ZRANB3: variants seen among roughly 807,000 people sequenced by gnomAD.
ZRANB3 encodes the protein zinc finger RANBP2-type containing 3, also known as DNA annealing helicase and endonuclease ZRANB3.
A neutral mutation model predicts 133.8 loss-of-function variants in ZRANB3; 125 were observed. The observed-to-expected ratio is 0.93, with a 90% CI of 0.81 to 1.08. The LOEUF (loss-of-function observed/expected upper bound fraction) is 1.08. Among genes scored for constraint, ZRANB3 ranks in the 50% least tolerant of loss-of-function variants. The pLI, the probability that ZRANB3 is intolerant of heterozygous loss-of-function variation, is 0.00. For missense variants in ZRANB3, 1,229 were observed against 1,275.5 expected (o/e 0.96, Z 0.56); for synonymous variants, 387 against 432.7 (o/e 0.89, Z 1.31).
intron 2 of ZRANB3, among the ~76,000 whole-genome samples, chr2:135,492,272 C>T (rs1174138610): frequency 6.6e-6 from 1 of 151,966 alleles, no homozygotes; most frequent in Admixed American, 6.6e-5. Context: ...AACTGAGTAA[C>T]AAAGTGAAAC....
chr2:135,436,502 TC>T (rs1252795981), intron 2 of ZRANB3, among the ~76,000 whole-genome samples: 1 of 152,010 alleles, frequency 6.6e-6, no homozygotes, highest in Non-Finnish European at 1.5e-5. Context: ...AGAAAGGCAA[TC>T]CCACTCACAA....
At chr2:135,477,017 A>C (rs528682211) in intron 2 of ZRANB3, among the ~76,000 whole-genome samples, 1 of 152,048 alleles carries the variant, frequency 6.6e-6, no homozygotes, top group Admixed American at 6.6e-5. Flanking sequence ...GACCATGCCT[A>C]CCTTCTCTAT....
At chr2:135,297,250 G>T (rs1682172245) in intron 8 of ZRANB3, among the ~76,000 whole-genome samples, 1 of 152,212 alleles carries the variant, frequency 6.6e-6, no homozygotes, top group South Asian at 2.1e-4. Flanking sequence ...CGGCCACTTT[G>T]TTTACCTACT....
chr2:135,237,503 G>T (rs12471508), intron 12 of ZRANB3, among the ~76,000 whole-genome samples: 69,262 of 148,682 alleles, frequency 0.47, 19,748 homozygotes, highest in African/African-American at 0.74. Context: ...TATGTTTATT[G>T]CGGCATTATT....
intron 8 of ZRANB3, among the ~76,000 whole-genome samples, chr2:135,293,112 T>C (rs1378635087): frequency 1.3e-5 from 2 of 152,252 alleles, no homozygotes; most frequent in East Asian, 3.9e-4. Context: ...TTTAAAGTAG[T>C]TTTTTCCAAT....
intron 2 of ZRANB3, among the ~76,000 whole-genome samples, chr2:135,461,318 C>G (rs1446831895): frequency 6.6e-6 from 1 of 152,104 alleles, no homozygotes; most frequent in Non-Finnish European, 1.5e-5. Flanking sequence ...GCCTGTAATC[C>G]CAGCACTTTC....
intron 2 of ZRANB3, among the ~76,000 whole-genome samples, chr2:135,422,606 T>C (rs1688911481): frequency 6.6e-6 from 1 of 152,000 alleles, no homozygotes; most frequent in Non-Finnish European, 1.5e-5. Flanking sequence ...CAGAAAAGAA[T>C]GGGGAATTCT....
intron 19 of ZRANB3, among the ~76,000 whole-genome samples, chr2:135,205,800 A>T (rs1020918553): frequency 6.6e-6 from 1 of 152,146 alleles, no homozygotes; most frequent in East Asian, 1.9e-4. Flanking sequence ...ATGAACACAT[A>T]TATGTGTGTG....
At chr2:135,437,772 G>A (rs1166496155) in intron 2 of ZRANB3, among the ~76,000 whole-genome samples, 6 of 152,134 alleles carry the variant, frequency 3.9e-5, no homozygotes, top group African/African-American at 1.4e-4. Flanking sequence ...ATCTAATATA[G>A]TTAATTTGGT....
At chr2:135,404,209 A>C (rs1574047776) in intron 2 of ZRANB3, among the ~76,000 whole-genome samples, 1 of 152,186 alleles carries the variant, frequency 6.6e-6, no homozygotes, top group East Asian at 1.9e-4. Flanking sequence ...CTTGAAAAAA[A>C]TTAGACGCAT....
Position 135,504,348 on chromosome 2 carries a change from C to T in ZRANB3, c.142G>A (p.Ala48Thr). The change falls in exon 2 of 21, where the codon GCC becomes ACC. Residue 48 changes from alanine (A) to threonine (T), a missense_variant. Ala to Thr is a moderately conservative substitution (Grantham distance 58). Coordinates refer to ENST00000264159, the MANE Select transcript of ZRANB3 (RefSeq NM_032143.4). ...CTTTACCTGCCATTTCTTTTGAGGG[C>T]AAAAATGATGCCATCTTTCTGGAAT... Reference protein sequence around the residue: ...LPFQKDGIIFALKRNGRCMVA... With the variant: ...LPFQKDGIIFTLKRNGRCMVA... The T allele has an allele frequency of 6.2e-7, 1 of 1,613,236 alleles. No homozygotes were observed. Among genetic ancestry groups the T allele is most frequent in the Non-Finnish European group, 8.5e-7 (1 of 1,179,612 alleles).
intron 2 of ZRANB3, among the ~76,000 whole-genome samples, chr2:135,409,783 G>C (rs536764637): frequency 6.6e-6 from 1 of 152,214 alleles, no homozygotes; most frequent in African/African-American, 2.4e-5. Flanking sequence ...AATGTTTCAG[G>C]ATACAAAATC....
intron 1 of ZRANB3, among the ~76,000 whole-genome samples, chr2:135,509,520 T>C: frequency 6.6e-6 from 1 of 152,256 alleles, no homozygotes; most frequent in Admixed American, 6.5e-5. Flanking sequence ...CAAATCTAGA[T>C]ATATTAAAAA....
intron 13 of ZRANB3, among the ~76,000 whole-genome samples, chr2:135,229,658 C>T (rs751805327): frequency 9.9e-5 from 15 of 152,222 alleles, no homozygotes; most frequent in African/African-American, 2.6e-4. Context: ...TGAGCCACCG[C>T]GCCCGGCCGC....
chr2:135,283,612 T>C (rs569869653), intron 8 of ZRANB3, among the ~76,000 whole-genome samples: 22 of 134,998 alleles, frequency 1.6e-4, no homozygotes, highest in Non-Finnish European at 2.6e-4. Context: ...CGAGACTCTG[T>C]CTAAAAAAAA....
chr2:135,460,505 G>A (rs140557930), intron 2 of ZRANB3, among the ~76,000 whole-genome samples: 34 of 152,262 alleles, frequency 2.2e-4, no homozygotes, highest in African/African-American at 8.2e-4. Flanking sequence ...GACCTCAGGT[G>A]ATCTGCCTCC....
chr2:135,528,490 A>T (rs1278808135), intron 1 of ZRANB3, among the ~76,000 whole-genome samples: 1 of 152,120 alleles, frequency 6.6e-6, no homozygotes, highest in Non-Finnish European at 1.5e-5. Flanking sequence ...ACTTTCTTCA[A>T]ATATAAAAAT....
chr2:135,452,383 T>A (rs1182262570), intron 2 of ZRANB3, among the ~76,000 whole-genome samples: 1 of 152,156 alleles, frequency 6.6e-6, no homozygotes, highest in African/African-American at 2.4e-5. Context: ...CCAAATTTCA[T>A]GTCCTCACAT....
At chr2:135,434,159 A>T (rs80024439) in intron 2 of ZRANB3, among the ~76,000 whole-genome samples, 4 of 152,042 alleles carry the variant, frequency 2.6e-5, no homozygotes, top group African/African-American at 4.8e-5. Context: ...GAGAGACTCC[A>T]TCTCAAAAAA....
Sources: gnomAD v4.1 joint callset for allele counts (sites outside exome capture counted in the v4.1 genomes callset) on GRCh38, gnomAD v4.1.1 for gene constraint, MANE v1.5 for transcripts, NCBI Gene and HGNC (gene_info 2026-07-23, HGNC 2026-07-21) for gene names.